Variants in LRRTM3 observed in about 807,000 individuals in gnomAD.
LRRTM3 encodes the protein leucine rich repeat transmembrane neuronal 3, also known as leucine-rich repeat transmembrane neuronal protein 3.
Under a neutral mutation model 44.7 loss-of-function variants are expected in LRRTM3, and 24 were observed. The ratio of observed to expected loss-of-function variants is 0.54; its 90% CI spans 0.39 to 0.76. LRRTM3 has a LOEUF of 0.76. LRRTM3 is among the 30% of genes least tolerant of loss of function. The pLI is 0.00. For missense variants in LRRTM3, 587 were observed against 702.2 expected (o/e 0.84, Z 1.85); for synonymous variants, 277 against 278.7 (o/e 0.99, Z 0.06).
At chr10:67,010,963 T>C (rs934617085) in intron 2 of LRRTM3, among the ~76,000 whole-genome samples, 7 of 152,090 alleles carry the variant, frequency 4.6e-5, no homozygotes, top group Non-Finnish European at 7.3e-5. Flanking sequence ...ACAACTATAA[T>C]ATAATAGAGA....
At chr10:67,073,722 AAGAC>A (rs1383724143) in intron 2 of LRRTM3, among the ~76,000 whole-genome samples, 2 of 152,190 alleles carry the variant, frequency 1.3e-5, no homozygotes, top group African/African-American at 4.8e-5. Flanking sequence ...AAAAAAATCA[AAGAC>A]AGATAAACAA....
chr10:67,097,017 G>A (rs916015520), intron 2 of LRRTM3, among the ~76,000 whole-genome samples: 1 of 151,822 alleles, frequency 6.6e-6, no homozygotes, highest in Non-Finnish European at 1.5e-5. Context: ...AATGGTTATC[G>A]AAGTGTGGTG....
intron 2 of LRRTM3, among the ~76,000 whole-genome samples, chr10:67,027,714 C>T (rs980168353): frequency 6.6e-6 from 1 of 152,128 alleles, no homozygotes; most frequent in African/African-American, 2.4e-5. Context: ...CAGGCATGAG[C>T]CACCGTGCCC....
intron 2 of LRRTM3, among the ~76,000 whole-genome samples, chr10:67,044,489 A>G (rs1400183788): frequency 6.6e-6 from 1 of 152,180 alleles, no homozygotes; most frequent in Non-Finnish European, 1.5e-5. Flanking sequence ...GCAATGTTAG[A>G]AAGATCACTT....
intron 2 of LRRTM3, among the ~76,000 whole-genome samples, chr10:66,982,288 G>T (rs1850486409): frequency 6.6e-6 from 1 of 152,134 alleles, no homozygotes; most frequent in Non-Finnish European, 1.5e-5. Context: ...TAATCATTTT[G>T]TACTGGAAAA....
intron 2 of LRRTM3, among the ~76,000 whole-genome samples, chr10:66,950,929 C>T (rs767362347): frequency 1.3e-5 from 2 of 152,098 alleles, no homozygotes; most frequent in Non-Finnish European, 2.9e-5. Context: ...TCTGATCTGT[C>T]GGATTCAGCA....
chr10:67,060,560 T>C (rs1855701749), intron 2 of LRRTM3, among the ~76,000 whole-genome samples: 1 of 152,210 alleles, frequency 6.6e-6, no homozygotes, highest in African/African-American at 2.4e-5. Flanking sequence ...AGATAACACA[T>C]TCTAGTTCAT....
At chr10:67,084,145 C>T (rs1366346218) in intron 2 of LRRTM3, among the ~76,000 whole-genome samples, 1 of 152,042 alleles carries the variant, frequency 6.6e-6, no homozygotes, top group Non-Finnish European at 1.5e-5. Flanking sequence ...ATTCACTTAT[C>T]ACTTTTAACT....
chr10:67,098,000 C>T lies in LRRTM3; in HGVS notation c.*204C>T, dbSNP rs1858114911. The T allele has an allele frequency of 1.7e-6, 1 of 573,334 alleles. No homozygotes were observed. The highest frequency in any genetic ancestry group is 3.1e-5 in the Admixed American group (1 of 32,426). The allele number at this position is 573,334 out of a possible 1,614,324, so 35.5% of individuals were successfully genotyped here. ...ACACTTTGTAATTAGCTAAGTTGTG[C>T]AGTATTTTTTGACTTAAACAGAGTA... On this transcript the variant is annotated 3_prime_UTR_variant, in exon 3 of 3. Coordinates refer to ENST00000361320, the MANE Select transcript of LRRTM3 (RefSeq NM_178011.5).
At chr10:66,992,549 T>G (rs912939818) in intron 2 of LRRTM3, among the ~76,000 whole-genome samples, 1 of 152,108 alleles carries the variant, frequency 6.6e-6, no homozygotes, top group Non-Finnish European at 1.5e-5. Flanking sequence ...TTTTTTTTAA[T>G]GGCAACAGAA....
chr10:67,000,188 G>A (rs1851597041), intron 2 of LRRTM3, among the ~76,000 whole-genome samples: 1 of 152,136 alleles, frequency 6.6e-6, no homozygotes, highest in Non-Finnish European at 1.5e-5. Context: ...ATTGCTATAT[G>A]AGCTCAAGAG....
At chr10:67,002,972 G>A (rs74141758) in intron 2 of LRRTM3, among the ~76,000 whole-genome samples, 193 of 152,142 alleles carry the variant, frequency 1.3e-3, no homozygotes, top group African/African-American at 4.1e-3. Flanking sequence ...TGTGGCTGCC[G>A]AATAAAATAC....
chr10:67,073,726 CAG>C (rs1295249572), intron 2 of LRRTM3, among the ~76,000 whole-genome samples: 2 of 151,904 alleles, frequency 1.3e-5, no homozygotes, highest in African/African-American at 2.4e-5. Context: ...AAATCAAAGA[CAG>C]ATAAACAAAA....
chr10:67,021,929 A>G (rs1192790214), intron 2 of LRRTM3, among the ~76,000 whole-genome samples: 1 of 152,214 alleles, frequency 6.6e-6, no homozygotes, highest in African/African-American at 2.4e-5. Flanking sequence ...AGCCTGGTAG[A>G]ATAGTCAGAG....
chr10:66,936,318 T>G (rs763490479), intron 2 of LRRTM3, among the ~76,000 whole-genome samples: 6 of 151,774 alleles, frequency 4.0e-5, no homozygotes, highest in Non-Finnish European at 5.9e-5. Context: ...TTTCTTAATG[T>G]TAAAAAAAAA....
intron 2 of LRRTM3, among the ~76,000 whole-genome samples, chr10:66,968,463 T>C (rs1275029193): frequency 6.6e-6 from 1 of 151,528 alleles, no homozygotes; most frequent in African/African-American, 2.4e-5. Flanking sequence ...AATACAATTT[T>C]AGAACCACAT....
intron 2 of LRRTM3, among the ~76,000 whole-genome samples, chr10:67,030,887 C>T (rs939706767): frequency 2.0e-5 from 3 of 151,968 alleles, no homozygotes; most frequent in African/African-American, 7.3e-5. Context: ...GTCTGTAATC[C>T]CAGCTACTCA....
intron 2 of LRRTM3, among the ~76,000 whole-genome samples, chr10:66,945,720 C>A (rs1706169209): frequency 6.6e-6 from 1 of 152,108 alleles, no homozygotes; most frequent in Non-Finnish European, 1.5e-5. Flanking sequence ...TCATTTTTAT[C>A]TTTTGATTTC....
intron 2 of LRRTM3, among the ~76,000 whole-genome samples, chr10:67,073,410 T>C (rs896721685): frequency 2.6e-5 from 4 of 152,198 alleles, no homozygotes; most frequent in Non-Finnish European, 5.9e-5. Flanking sequence ...AAATATGTTT[T>C]TCCTTCAGTC....
Sources: gnomAD v4.1 joint callset for allele counts (sites outside exome capture counted in the v4.1 genomes callset) on GRCh38, gnomAD v4.1.1 for gene constraint, MANE v1.5 for transcripts, NCBI Gene and HGNC (gene_info 2026-07-23, HGNC 2026-07-21) for gene names.